The following REDIC1 variants were observed in gnomAD, a reference collection of about 807,000 sequenced individuals.
The protein encoded by REDIC1 is HEI10 Interacting Protein 1.
At chr12:39,880,145 G>A in the REDIC1 span, among the ~76,000 whole-genome samples, 25 of 152,166 alleles carry the variant, frequency 1.6e-4, no homozygotes, top group African/African-American at 5.5e-4. Flanking sequence ...CTCCCCAGAA[G>A]CTGGGCAGAT....
chr12:39,713,719 G>T, the REDIC1 span, among the ~76,000 whole-genome samples: 1 of 148,534 alleles, frequency 6.7e-6, no homozygotes, highest in East Asian at 2.0e-4. Flanking sequence ...ATGTATGCCT[G>T]TATACATGCG....
At chr12:39,734,978 CTCTT>C in the REDIC1 span, among the ~76,000 whole-genome samples, 1 of 152,192 alleles carries the variant, frequency 6.6e-6, no homozygotes, top group Non-Finnish European at 1.5e-5. Flanking sequence ...TATGCTGTAT[CTCTT>C]TATTTATTCA....
the REDIC1 span, among the ~76,000 whole-genome samples, chr12:39,733,593 T>C: frequency 6.6e-6 from 1 of 152,234 alleles, no homozygotes; most frequent in Non-Finnish European, 1.5e-5. Flanking sequence ...CTTTCAGAGA[T>C]GCCCTGCCCA....
the REDIC1 span, among the ~76,000 whole-genome samples, chr12:39,775,307 T>G: frequency 6.6e-6 from 1 of 152,354 alleles, no homozygotes; most frequent in Admixed American, 6.5e-5. Context: ...TTAGGTAACG[T>G]AAGTTACTTT....
the REDIC1 span, among the ~76,000 whole-genome samples, chr12:39,630,545 T>C: frequency 6.6e-6 from 1 of 152,192 alleles, no homozygotes; most frequent in African/African-American, 2.4e-5. Context: ...ATTTAGTCTT[T>C]TTCTATAAGG....
At chr12:39,722,559 G>A in the REDIC1 span, among the ~76,000 whole-genome samples, 889 of 152,194 alleles carry the variant, frequency 5.8e-3, 8 homozygotes, top group African/African-American at 0.02. Flanking sequence ...ATAAACTTGA[G>A]CTGTGAATTT....
At chr12:39,643,550 T>A in the REDIC1 span, among the ~76,000 whole-genome samples, 1 of 151,694 alleles carries the variant, frequency 6.6e-6, no homozygotes, top group African/African-American at 2.4e-5. Flanking sequence ...TTTATAGCAT[T>A]CTGTTTTAAA....
the REDIC1 span, among the ~76,000 whole-genome samples, chr12:39,650,080 T>G: frequency 6.6e-6 from 1 of 152,078 alleles, no homozygotes; most frequent in Admixed American, 6.6e-5. This position sits in a 1 kb window ranked among gnomAD's most constrained non-coding sequence, Gnocchi z 4.3. Context: ...AACTATTTAT[T>G]TTGTTTTCAA....
the REDIC1 span, among the ~76,000 whole-genome samples, chr12:39,699,622 C>T: frequency 6.6e-6 from 1 of 152,154 alleles, no homozygotes; most frequent in Non-Finnish European, 1.5e-5. Flanking sequence ...GCCTGCCTGC[C>T]TCTGTAGGCT....
chr12:39,749,609 C>G, the REDIC1 span, among the ~76,000 whole-genome samples: 1 of 151,984 alleles, frequency 6.6e-6, no homozygotes, highest in South Asian at 2.1e-4. Flanking sequence ...CTGGCAGAGA[C>G]ACAACATAAG....
At chr12:39,659,521 C>T in the REDIC1 span, among the ~76,000 whole-genome samples, 2 of 152,038 alleles carry the variant, frequency 1.3e-5, no homozygotes, top group Non-Finnish European at 2.9e-5. Context: ...ATATCTTCCA[C>T]GTCCATAATT....
At chr12:39,838,760 T>C in the REDIC1 span, among the ~76,000 whole-genome samples, 1 of 152,090 alleles carries the variant, frequency 6.6e-6, no homozygotes, top group Non-Finnish European at 1.5e-5. Context: ...GAAAATCTTT[T>C]AAAAATTGAT....
At chr12:39,861,046 T>C in the REDIC1 span, among the ~76,000 whole-genome samples, 109,464 of 152,134 alleles carry the variant, frequency 0.72, 40,086 homozygotes, top group African/African-American at 0.85. Flanking sequence ...TCTGACCCCA[T>C]AGTCATCTTC....
the REDIC1 span, chr12:39,721,073 C>T: frequency 6.2e-7 from 1 of 1,613,648 alleles, no homozygotes. Context: ...AGGTGTGATG[C>T]AGGGATACAA....
the REDIC1 span, among the ~76,000 whole-genome samples, chr12:39,799,909 T>C: frequency 6.6e-6 from 1 of 152,186 alleles, no homozygotes; most frequent in Admixed American, 6.6e-5. Context: ...AACAGAATAA[T>C]GTGTCACCTG....
the REDIC1 span, among the ~76,000 whole-genome samples, chr12:39,691,331 C>A: frequency 5.3e-5 from 8 of 152,058 alleles, no homozygotes; most frequent in African/African-American, 9.7e-5. Context: ...ATCTAAAATT[C>A]TATATCCTAC....
At chr12:39,820,052 A>T in the REDIC1 span, among the ~76,000 whole-genome samples, 2 of 152,266 alleles carry the variant, frequency 1.3e-5, 1 homozygote, top group South Asian at 4.1e-4. Flanking sequence ...ATTAATATTT[A>T]TGGGTTTGTC....
chr12:39,641,172 A>G, the REDIC1 span, among the ~76,000 whole-genome samples: 14 of 151,820 alleles, frequency 9.2e-5, no homozygotes, highest in Admixed American at 5.3e-4. Flanking sequence ...CTTAAAGATC[A>G]TTGTTGATTC....
At chr12:39,756,915 T>C in the REDIC1 span, 1 of 151,634 alleles carries the variant, frequency 6.6e-6, no homozygotes, top group African/African-American at 2.4e-5. Flanking sequence ...ATCAGGGAAC[T>C]ACTGTGTATG....
Sources: gnomAD v4.1 joint callset for allele counts (sites outside exome capture counted in the v4.1 genomes callset) on GRCh38, gnomAD v4.1.1 for gene constraint, Gnocchi (gnomAD v3.1) non-coding constraint, MANE v1.5 for transcripts, NCBI Gene and HGNC (gene_info 2026-07-23, HGNC 2026-07-21) for gene names.